The following TG variants were observed in gnomAD, a reference collection of about 807,000 sequenced individuals.
TG encodes the protein thyroid hormones.
TG carries 270 observed loss-of-function variants against 324.7 expected under a neutral mutation model. That is an observed-to-expected ratio of 0.83 (90% CI 0.75 to 0.92). TG has a LOEUF of 0.92. TG is among the 40% of genes least tolerant of loss of function. TG has a pLI of 0.00. For missense variants in TG, 3,591 were observed against 3,456.4 expected, an observed-to-expected ratio of 1.04 and a Z score of -0.98; for synonymous variants, 1,401 against 1,327.0, an observed-to-expected ratio of 1.06 and a Z score of -1.21.
intron 41 of TG, among the ~76,000 whole-genome samples, chr8:133,042,709 T>TTTTTTTTG (rs1554706931): frequency 7.2e-6 from 1 of 138,594 alleles, no homozygotes; most frequent in African/African-American, 2.8e-5. Context: ...TTTTTTTTTT[T>TTTTTTTTG]GTGAGATGGA....
intron 22 of TG, among the ~76,000 whole-genome samples, chr8:132,927,779 T>C (rs979575113): frequency 6.6e-6 from 1 of 152,254 alleles, no homozygotes; most frequent in Non-Finnish European, 1.5e-5. Context: ...TCTCCTAGAA[T>C]ATTTTGAGCA....
chr8:133,110,938 T>A (rs1012356685), intron 43 of TG, among the ~76,000 whole-genome samples: 10 of 152,332 alleles, frequency 6.6e-5, no homozygotes, highest in African/African-American at 2.2e-4. Context: ...CTTTGTTCAC[T>A]TCATCTTCAC....
In TG at chr8:133,131,095, G is replaced by A. The variant is rs892882465; in HGVS notation, c.7863-717G>A. On this transcript the variant is annotated intron_variant, in intron 45 of 47. Transcript: ENST00000220616. ...CCAGACCTCTCTTTGGGCAAAGCCC[G>A]ATTTTTTACTATGCAGTGGTGAAAT... 1.2e-4 allele frequency among the ~76,000 whole-genome samples: 18 copies of A among 152,202 alleles called. 1 individual carries two copies. The highest frequency in any genetic ancestry group is 3.2e-3 in the Middle Eastern group (1 of 316).
chr8:133,090,999 C>G (rs1340606065), intron 41 of TG, among the ~76,000 whole-genome samples: 1 of 152,208 alleles, frequency 6.6e-6, no homozygotes, highest in East Asian at 1.9e-4. Flanking sequence ...CTCTGAGACT[C>G]TAGGGAAGTG....
intron 37 of TG, among the ~76,000 whole-genome samples, chr8:133,015,972 C>T (rs983701579): frequency 1.3e-5 from 2 of 151,712 alleles, no homozygotes; most frequent in African/African-American, 4.9e-5. Context: ...CCTGCCAATT[C>T]CTTCCTTTTT....
chr8:132,983,199 C>A, intron 34 of TG, 151 bp from the exon 35 acceptor site: 1 of 817,178 alleles, frequency 1.2e-6, no homozygotes, highest in Non-Finnish European at 2.1e-6. Flanking sequence ...CAGCATCATC[C>A]AGCCCACCCT....
rs566265180 is a variant in TG at position 133,054,352 on chromosome 8, G to A, written c.7239+24329G>A. Among the ~76,000 whole-genome samples, 51 of 152,294 alleles carry A rather than the reference G, an allele frequency of 3.3e-4. 1 individual carries two copies. The Middle Eastern group carries it at 0.014, about 41-fold the overall frequency. On this transcript the variant is annotated intron_variant, in intron 41 of 47. Transcript: ENST00000220616. ...AAACCCAGAGAGAATTTTCGGGAAA[G>A]AGAATGGGGCTTTGAAACCAATCAG...
intron 5 of TG, among the ~76,000 whole-genome samples, chr8:132,875,665 C>T (rs1317696883): frequency 3.9e-5 from 6 of 152,118 alleles, no homozygotes; most frequent in African/African-American, 7.2e-5. Context: ...AGAGGGCAGT[C>T]GAGTTAAATG....
At chr8:132,915,706 A>G (rs575821731) in intron 20 of TG, among the ~76,000 whole-genome samples, 1 of 152,344 alleles carries the variant, frequency 6.6e-6, no homozygotes, top group South Asian at 2.1e-4. Context: ...GGAGAAACAT[A>G]TGGCTGTGTT....
At chr8:133,049,190 G>A (rs1410235612) in intron 41 of TG, 2 of 455,998 alleles carry the variant, frequency 4.4e-6, no homozygotes, top group Admixed American at 2.4e-5. Flanking sequence ...ACGACTACAG[G>A]GGAAAGCAGG....
At chr8:132,872,137 T>G (rs1474700286) in intron 4 of TG, among the ~76,000 whole-genome samples, 1 of 152,126 alleles carries the variant, frequency 6.6e-6, no homozygotes, top group Non-Finnish European at 1.5e-5. Flanking sequence ...TTAAGCTAAG[T>G]GTTATCATAA....
intron 35 of TG, chr8:133,002,494 A>G: frequency 1.1e-6 from 1 of 887,052 alleles, no homozygotes. Context: ...AAATTCAGAC[A>G]CAATTAAAAT....
In TG at chr8:132,911,532, T is replaced by C. The variant is rs369438550; in HGVS notation, c.4158T>C (p.Ile1386=). The C allele has an allele frequency of 2.5e-6, 4 of 1,612,576 alleles. No individual in the cohort carries two copies. The African/African-American group carries it at 5.3e-5, about 22-fold the overall frequency. ...CTTCTCTTCCTGACTTACATGACAT[T>C]GGTATGTTTTTCTGTGGTAGTACCT... The part of the protein sequence containing the change: ...PVASLPDLHD[I]ERALVGKDLL... The change falls in exon 19 of 48, where the codon ATT becomes ATC. Residue 1386 remains isoleucine (I), a splice_region_variant and synonymous_variant. Coordinates refer to ENST00000220616, the MANE Select transcript of TG (RefSeq NM_003235.5).
intron 4 of TG, among the ~76,000 whole-genome samples, chr8:132,872,636 C>T (rs1194882607): frequency 6.6e-6 from 1 of 152,144 alleles, no homozygotes; most frequent in East Asian, 1.9e-4. Context: ...CACTCACTCA[C>T]TGACTCACCC....
intron 41 of TG, among the ~76,000 whole-genome samples, chr8:133,090,624 C>T (rs1432823149): frequency 6.6e-6 from 1 of 152,198 alleles, no homozygotes; most frequent in Admixed American, 6.5e-5. Context: ...TAATAACATT[C>T]CTAATGATGA....
At chr8:133,104,983 A>G (rs956355109) in intron 43 of TG, among the ~76,000 whole-genome samples, 1 of 152,184 alleles carries the variant, frequency 6.6e-6, no homozygotes, top group Non-Finnish European at 1.5e-5. Context: ...TTGGTCTTCA[A>G]TTCATGTCCC....
chr8:132,970,848 G>T (rs906021391), intron 32 of TG, among the ~76,000 whole-genome samples: 6 of 152,174 alleles, frequency 3.9e-5, no homozygotes, highest in Non-Finnish European at 2.9e-5. Context: ...GCAGTAAGTG[G>T]ACAGGTTAGC....
intron 37 of TG, among the ~76,000 whole-genome samples, chr8:133,016,203 C>T (rs17694217): frequency 0.017 from 2,641 of 152,284 alleles, 47 homozygotes; most frequent in African/African-American, 0.039. Flanking sequence ...ACCATGGTGA[C>T]GCTCAGTGAC....
chr8:133,075,504 T>C (rs1434526236), intron 41 of TG, among the ~76,000 whole-genome samples: 1 of 152,230 alleles, frequency 6.6e-6, no homozygotes, highest in African/African-American at 2.4e-5. Flanking sequence ...GAATATATAC[T>C]GCACAGTTGA....
Sources: allele counts gnomAD v4.1 joint callset (sites outside exome capture counted in the v4.1 genomes callset), GRCh38; gene constraint gnomAD v4.1.1; transcripts MANE v1.5; gene names NCBI Gene and HGNC (gene_info 2026-07-23, HGNC 2026-07-21).